The following SYT9 variants were observed in gnomAD, a reference collection of about 807,000 sequenced individuals.
SYT9 encodes synaptotagmin-9.
Under a neutral mutation model 48.4 loss-of-function variants are expected in SYT9, and 22 were observed. The ratio of observed to expected loss-of-function variants is 0.45; its 90% confidence interval spans 0.32 to 0.65. The LOEUF is 0.65. Ranked by LOEUF, SYT9 falls within the 30% of genes least tolerant of loss-of-function variation. The probability of loss-of-function intolerance (pLI) is 0.03; values close to 1 mark genes in which losing one functional copy is unlikely to be tolerated. For missense variants in SYT9, 577 were observed against 622.0 expected, an observed-to-expected ratio of 0.93 and a Z score of 0.77; for synonymous variants, 265 against 245.0, an observed-to-expected ratio of 1.08 and a Z score of -0.76.
intron 2 of SYT9, among the ~76,000 whole-genome samples, chr11:7,312,425 A>G (rs1849154534): frequency 6.6e-6 from 1 of 152,198 alleles, no homozygotes; most frequent in African/African-American, 2.4e-5. Context: ...GAGCGAATGC[A>G]TACAATACAA....
At chr11:7,290,327 C>G (rs1452088447) in intron 1 of SYT9, among the ~76,000 whole-genome samples, 2 of 152,152 alleles carry the variant, frequency 1.3e-5, no homozygotes, top group African/African-American at 4.8e-5. Flanking sequence ...ATTCATTTCC[C>G]TGAAACAGTC....
intron 1 of SYT9, among the ~76,000 whole-genome samples, chr11:7,275,627 T>G (rs377435712): frequency 1.3e-5 from 2 of 152,212 alleles, no homozygotes; most frequent in Non-Finnish European, 2.9e-5. Context: ...TTCAATATAC[T>G]GATAATTCAA....
chr11:7,456,224 C>T (rs1404248411), intron 6 of SYT9, among the ~76,000 whole-genome samples: 3 of 152,242 alleles, frequency 2.0e-5, no homozygotes, highest in African/African-American at 7.2e-5. Flanking sequence ...TTGATTTGGA[C>T]TTACTGCAGA....
At chr11:7,271,540 C>T (rs1848295944) in intron 1 of SYT9, among the ~76,000 whole-genome samples, 1 of 152,138 alleles carries the variant, frequency 6.6e-6, no homozygotes. Context: ...ATTTTAACTA[C>T]TGCTGACTTC....
At chr11:7,266,071 C>G (rs568775904) in intron 1 of SYT9, among the ~76,000 whole-genome samples, 4 of 151,976 alleles carry the variant, frequency 2.6e-5, no homozygotes, top group Admixed American at 2.6e-4. Context: ...TCAGAGGATC[C>G]CAAGTTAAAC....
chr11:7,321,125 A>G (rs1192554759), intron 3 of SYT9, among the ~76,000 whole-genome samples: 1 of 152,166 alleles, frequency 6.6e-6, no homozygotes, highest in Non-Finnish European at 1.5e-5. Flanking sequence ...AAGATGCCAC[A>G]GTTCTCATGT....
intron 3 of SYT9, among the ~76,000 whole-genome samples, chr11:7,380,460 G>T (rs72856465): frequency 0.039 from 5,857 of 152,010 alleles, 268 homozygotes; most frequent in African/African-American, 0.11. Context: ...AAGGATAAGG[G>T]GATGGATACC....
At position 7,453,162 on chromosome 11, in the gene SYT9, G is replaced by A. The variant is rs188797344; in HGVS notation, c.1468-13630G>A. 2.1e-3 allele frequency among the ~76,000 whole-genome samples: 317 copies of A among 152,148 alleles called. 3 individuals carry two copies. The highest frequency in any genetic ancestry group is 2.7e-3 in the South Asian group (13 of 4,828). Reference sequence around the variant, plus strand: ...TCCCAGCACTTTGGGTGCCTAAGGCGGATGGATTGCTTGAGCTCAGGAGTT... The same window carrying A: ...TCCCAGCACTTTGGGTGCCTAAGGCAGATGGATTGCTTGAGCTCAGGAGTT... On this transcript the variant is annotated intron_variant, in intron 6 of 6. Coordinates refer to ENST00000318881, the MANE Select transcript of SYT9 (RefSeq NM_175733.4).
intron 1 of SYT9, among the ~76,000 whole-genome samples, chr11:7,254,406 T>A (rs1486144729): frequency 6.6e-6 from 1 of 152,162 alleles, no homozygotes; most frequent in Non-Finnish European, 1.5e-5. Context: ...ACTTCTCCCT[T>A]CATTTCCAAA....
intron 2 of SYT9, among the ~76,000 whole-genome samples, chr11:7,308,739 T>G (rs972696182): frequency 6.6e-6 from 1 of 152,200 alleles, no homozygotes; most frequent in Non-Finnish European, 1.5e-5. Context: ...GACAGCCATT[T>G]TCTTCAAGAT....
At chr11:7,387,507 C>G (rs1421725716) in intron 3 of SYT9, among the ~76,000 whole-genome samples, 1 of 152,132 alleles carries the variant, frequency 6.6e-6, no homozygotes, top group African/African-American at 2.4e-5. Context: ...ATCATGTCGT[C>G]TAACGATAAT....
Position 7,420,614 on chromosome 11 carries a change from A to G in SYT9, c.1446A>G (p.Ala482=). 1 of 1,614,206 alleles carries G rather than the reference A, an allele frequency of 6.2e-7. No individual in the cohort carries two copies. The highest frequency in any genetic ancestry group is 8.5e-7 in the Non-Finnish European group (1 of 1,180,026). Residue 482 remains alanine (A), a synonymous_variant, in exon 6 of 7, where the codon GCA becomes GCG. Coordinates refer to ENST00000318881, the MANE Select transcript of SYT9 (RefSeq NM_175733.4). The part of the protein sequence containing the change: ...EMLSYPRKPI[A]HWHSLVEKR The stretch of plus-strand genomic sequence containing the variant: ...TGTCATATCCTCGGAAGCCCATTGC[A>G]CACTGGCATTCCCTGGTGGAGGTAA...
chr11:7,342,451 C>T (rs1849729826), intron 3 of SYT9, among the ~76,000 whole-genome samples: 1 of 152,152 alleles, frequency 6.6e-6, no homozygotes, highest in African/African-American at 2.4e-5. Flanking sequence ...AGTCTGAAAT[C>T]CAGCAGAGCA....
chr11:7,468,062 GTCC>G lies in SYT9; in HGVS notation c.*1265_*1267del, dbSNP rs1316855039. 1.0e-5 allele frequency: 4 copies of G among 386,266 alleles called. No homozygotes were observed. Among genetic ancestry groups the G allele is most frequent in the Non-Finnish European group, 1.8e-5 (4 of 218,694 alleles). The allele number at this position is 386,266 out of a possible 1,614,324, so 23.9% of individuals were successfully genotyped here. On this transcript the variant is annotated 3_prime_UTR_variant, in exon 7 of 7. Coordinates refer to ENST00000318881, the MANE Select transcript of SYT9 (RefSeq NM_175733.4). ...GAGGACTGGGGGCTGTTACCTAATG[GTCC>G]TCTCTGTCCCATTATAGGTGCAAGG...
At chr11:7,425,718 A>G (rs1590019877) in intron 6 of SYT9, among the ~76,000 whole-genome samples, 2 of 152,254 alleles carry the variant, frequency 1.3e-5, no homozygotes, top group South Asian at 4.1e-4. Flanking sequence ...TGCCCTCTGA[A>G]GGAGTGGCTT....
intron 6 of SYT9, among the ~76,000 whole-genome samples, chr11:7,434,189 A>C (rs1321852616): frequency 6.6e-6 from 1 of 152,216 alleles, no homozygotes; most frequent in Non-Finnish European, 1.5e-5. Context: ...GTCTGTGCTT[A>C]GGTGCTTTAG....
chr11:7,375,635 C>G (rs1341954239), intron 3 of SYT9, among the ~76,000 whole-genome samples: 1 of 152,068 alleles, frequency 6.6e-6, no homozygotes, highest in Non-Finnish European at 1.5e-5. Flanking sequence ...CCTTCACATC[C>G]CTTGTAAGTT....
rs567282315 is a variant in SYT9, at chr11:7,397,476, C to T, written c.1045-18566C>T. 5.3e-5 allele frequency among the ~76,000 whole-genome samples: 8 copies of T among 151,906 alleles called. No homozygotes were observed. In the East Asian group the frequency reaches 1.4e-3, roughly 26 times the overall value. On this transcript the variant is annotated intron_variant, in intron 3 of 6. Coordinates refer to ENST00000318881, the MANE Select transcript of SYT9 (RefSeq NM_175733.4). ...TAGTGTTAAGTCTTCCCATTTTTTG[C>T]TTTTTCAAAATAAGTTTGAATGTTC... is the stretch of plus-strand genomic sequence containing the variant.
At chr11:7,306,119 C>T (rs189905852) in intron 2 of SYT9, among the ~76,000 whole-genome samples, 25 of 152,144 alleles carry the variant, frequency 1.6e-4, no homozygotes, top group African/African-American at 5.3e-4. Flanking sequence ...GAATGAAGTC[C>T]CTTTTGTACA....
Sources: allele counts gnomAD v4.1 joint callset (sites outside exome capture counted in the v4.1 genomes callset), GRCh38; gene constraint gnomAD v4.1.1; transcripts MANE v1.5; gene names NCBI Gene and HGNC (gene_info 2026-07-23, HGNC 2026-07-21).